ITGB6: variants seen among roughly 807,000 people sequenced by gnomAD.
ITGB6 encodes the protein integrin subunit beta 6, also known as integrin beta-6.
In ITGB6, 80 loss-of-function variants were observed where a neutral mutation model predicts 84.5. The observed-to-expected ratio is 0.95, with a 90% CI of 0.79 to 1.14. The LOEUF is 1.14. ITGB6 is among the 50% of genes most tolerant of loss of function. ITGB6 has a pLI of 0.00. For missense variants in ITGB6, 1,006 were observed against 968.0 expected, an observed-to-expected ratio of 1.04 and a Z score of -0.52; for synonymous variants, 383 against 354.9, an observed-to-expected ratio of 1.08 and a Z score of -0.89.
chr2:160,107,712 A>G lies in ITGB6; in HGVS notation c.2235T>C (p.Phe745=), dbSNP rs370595727. The G allele has an allele frequency of 1.4e-5, 23 of 1,613,992 alleles. No homozygotes were observed. In the African/African-American group the frequency reaches 2.3e-4, roughly 16 times the overall value. ...ACTTGGCTTTTGATCGTTCTGCTTC[A>G]AATTTGGCAACTTCTTTACGATCAT... ...SFHDRKEVAK[F]EAERSKAKWQ... Residue 745 remains phenylalanine, a synonymous_variant, in exon 14 of 15, where the codon TTT becomes TTC. Transcript: ENST00000283249.
intron 7 of ITGB6, among the ~76,000 whole-genome samples, chr2:160,142,902 G>A (rs1235784961): frequency 1.3e-5 from 2 of 152,300 alleles, no homozygotes; most frequent in Non-Finnish European, 2.9e-5. Flanking sequence ...AGTTTTACAA[G>A]GTGTGTGATA....
intron 12 of ITGB6, among the ~76,000 whole-genome samples, chr2:160,117,412 C>T (rs1316451224): frequency 1.3e-5 from 2 of 152,038 alleles, no homozygotes; most frequent in African/African-American, 2.4e-5. Context: ...TCCTGAATGA[C>T]TACTGGGTAC....
At chr2:160,140,125 T>C (rs912795375) in intron 8 of ITGB6, among the ~76,000 whole-genome samples, 3 of 152,222 alleles carry the variant, frequency 2.0e-5, no homozygotes, top group African/African-American at 7.2e-5. Flanking sequence ...TCCCATATTT[T>C]AAATTCTTTT....
At chr2:160,133,606 T>A (rs1683563863) in intron 10 of ITGB6, among the ~76,000 whole-genome samples, 1 of 151,440 alleles carries the variant, frequency 6.6e-6, no homozygotes, top group African/African-American at 2.4e-5. Flanking sequence ...ATATACATTC[T>A]TTTCAGCACC....
chr2:160,169,129 A>C, intron 7 of ITGB6, 83 bp downstream of exon 7: 1 of 766,698 alleles, frequency 1.3e-6, no homozygotes, highest in South Asian at 1.8e-5. Context: ...TGGCCTTCCC[A>C]TGTGTTAAAC....
At chr2:160,168,431 CTATT>C (rs1685085850) in intron 7 of ITGB6, among the ~76,000 whole-genome samples, 1 of 152,170 alleles carries the variant, frequency 6.6e-6, no homozygotes, top group Non-Finnish European at 1.5e-5. Flanking sequence ...AAGGCACAGA[CTATT>C]TAATTTCTCT....
intron 7 of ITGB6, among the ~76,000 whole-genome samples, chr2:160,153,059 A>G (rs1574093306): frequency 6.6e-6 from 1 of 152,200 alleles, no homozygotes; most frequent in South Asian, 2.1e-4. Context: ...GCTACCAATG[A>G]CTTTCTTCAC....
intron 12 of ITGB6, among the ~76,000 whole-genome samples, chr2:160,119,914 A>C (rs1470130620): frequency 6.6e-6 from 1 of 152,224 alleles, no homozygotes; most frequent in Non-Finnish European, 1.5e-5. Flanking sequence ...ACACATGAAA[A>C]AATGCTCATC....
At chr2:160,114,977 T>G (rs1403166410) in intron 12 of ITGB6, among the ~76,000 whole-genome samples, 1 of 152,210 alleles carries the variant, frequency 6.6e-6, no homozygotes, top group Non-Finnish European at 1.5e-5. Context: ...CAGGCTTGAT[T>G]AGGTAAACAA....
intron 13 of ITGB6, among the ~76,000 whole-genome samples, chr2:160,111,016 G>A (rs1217576366): frequency 1.3e-5 from 2 of 152,128 alleles, no homozygotes; most frequent in Non-Finnish European, 2.9e-5. Flanking sequence ...AAAAGCATCA[G>A]GGCATCTGTG....
Position 160,196,317 on chromosome 2 carries a change from A to C in ITGB6, c.245T>G (p.Val82Gly). The C allele has an allele frequency of 6.2e-7, 1 of 1,614,076 alleles. No homozygotes were observed. The highest frequency in any genetic ancestry group is 1.1e-5 in the South Asian group (1 of 91,086). The stretch of plus-strand genomic sequence containing the variant: ...GAGAGGCTTATTTTTAAGTATTTCT[A>C]CTTGGGAGACAGGGTTTTCGATGAA... ...LNFIENPVSQ[V>G]EILKNKPLSV... Residue 82 changes from valine to glycine, a missense_variant, in exon 3 of 15, where the codon GTA becomes GGA. Coordinates refer to ENST00000283249, the MANE Select transcript of ITGB6 (RefSeq NM_000888.5).
At chr2:160,134,583 C>G (rs912628787) in intron 10 of ITGB6, among the ~76,000 whole-genome samples, 1 of 152,254 alleles carries the variant, frequency 6.6e-6, no homozygotes, top group South Asian at 2.1e-4. Flanking sequence ...GATACCAAAG[C>G]CTGGCAGAGA....
chr2:160,150,529 C>T (rs1242385760), intron 7 of ITGB6, among the ~76,000 whole-genome samples: 2 of 152,124 alleles, frequency 1.3e-5, no homozygotes, highest in Non-Finnish European at 2.9e-5. Context: ...GACATCGATG[C>T]TATGAAGAAA....
intron 7 of ITGB6, among the ~76,000 whole-genome samples, chr2:160,165,979 G>A (rs373373419): frequency 5.9e-4 from 90 of 152,330 alleles, no homozygotes; most frequent in African/African-American, 2.0e-3. Context: ...TAGAAAAGAT[G>A]AAGTGCAGTT....
chr2:160,149,030 C>T (rs559029028), intron 7 of ITGB6, among the ~76,000 whole-genome samples: 1 of 152,370 alleles, frequency 6.6e-6, no homozygotes, highest in East Asian at 1.9e-4. Context: ...CATAGCTGAA[C>T]AAAAGGCAGC....
rs116026877 is a variant in ITGB6, at chr2:160,188,444, A to G, written c.593+6925T>C. 4.8e-3 allele frequency among the ~76,000 whole-genome samples: 738 copies of G among 152,272 alleles called. 9 individuals carry two copies. Among genetic ancestry groups the G allele is most frequent in the African/African-American group, 0.017 (709 of 41,562 alleles). On this transcript the variant is annotated intron_variant, in intron 4 of 14. Coordinates refer to ENST00000283249, the MANE Select transcript of ITGB6 (RefSeq NM_000888.5). Reference sequence around the variant, plus strand: ...ACATATTGAACCTTTTAAGAGATCAAATAGATGATTCTCCTTCAGGTCTCC... The same window carrying G: ...ACATATTGAACCTTTTAAGAGATCAGATAGATGATTCTCCTTCAGGTCTCC...
In ITGB6 at chr2:160,101,795, T is replaced by A; in HGVS notation, c.2308A>T (p.Lys770Ter). Residue 770 changes from lysine (K) to a stop codon, truncating the protein, a stop_gained, in exon 15 of 15, where the codon AAA becomes TAA. Coordinates refer to ENST00000283249, the MANE Select transcript of ITGB6 (RefSeq NM_000888.5). LOFTEE classifies it high-confidence loss of function. ...TCCCTGTGTTTATAAGTTACATTTTTAAAAGTACTTGTGGATCCTCTGTAG... is the reference window on the plus strand; with the variant it reads ...TCCCTGTGTTTATAAGTTACATTTTAAAAAGTACTTGTGGATCCTCTGTAG... Reference protein sequence around the residue: ...PLYRGSTSTFKNVTYKHREKQ... With the variant: ...PLYRGSTSTF 6.2e-7 allele frequency: 1 copy of A among 1,602,446 alleles called. No individual in the cohort carries two copies. The highest frequency in any genetic ancestry group is 8.5e-7 in the Non-Finnish European group (1 of 1,169,802).
At chr2:160,123,685 C>G in intron 12 of ITGB6, 106 bp downstream of exon 12, 1 of 769,378 alleles carries the variant, frequency 1.3e-6, no homozygotes, top group South Asian at 1.7e-5. Flanking sequence ...TGCCCTGGTA[C>G]AAATAAGGTC....
intron 10 of ITGB6, among the ~76,000 whole-genome samples, chr2:160,128,692 C>T (rs1683334319): frequency 6.6e-6 from 1 of 152,028 alleles, no homozygotes; most frequent in Admixed American, 6.6e-5. Flanking sequence ...GAATTCTCCC[C>T]CAGGTGACTA....
Sources: gnomAD v4.1 joint callset for allele counts (sites outside exome capture counted in the v4.1 genomes callset) on GRCh38, gnomAD v4.1.1 for gene constraint, MANE v1.5 for transcripts, NCBI Gene and HGNC (gene_info 2026-07-23, HGNC 2026-07-21) for gene names.